CACNB4: variants seen among roughly 807,000 people sequenced by gnomAD.
CACNB4 encodes calcium voltage-gated channel auxiliary subunit beta 4.
In CACNB4, 32 loss-of-function variants were observed where a neutral mutation model predicts 71.2. The ratio of observed to expected loss-of-function variants is 0.45; its 90% CI spans 0.34 to 0.60. The LOEUF (loss-of-function observed/expected upper bound fraction) is 0.60. Ranked by LOEUF, CACNB4 falls within the 20% of genes least tolerant of loss-of-function variation. The pLI is 0.01. For synonymous variants in CACNB4, 231 were observed against 236.9 expected, an observed-to-expected ratio of 0.97 and a Z score of 0.23; for missense variants, 464 against 647.9, an observed-to-expected ratio of 0.72 and a Z score of 3.08.
chr2:151,990,491 C>T (rs1036987444), intron 2 of CACNB4, among the ~76,000 whole-genome samples: 4 of 152,166 alleles, frequency 2.6e-5, no homozygotes, highest in Admixed American at 6.5e-5. Flanking sequence ...TCCCACGGTT[C>T]GCCCTCCTCA....
chr2:151,860,890 C>T, intron 9 of CACNB4, 70 bp from the exon 10 acceptor site: 1 of 985,042 alleles, frequency 1.0e-6, no homozygotes, highest in Non-Finnish European at 1.6e-6. Context: ...GATTTATAAC[C>T]ACAGTACTTA....
At position 151,974,570 on chromosome 2, in the gene CACNB4, G is replaced by C. The variant is rs79699002; in HGVS notation, c.148-91200C>G. Among the ~76,000 whole-genome samples, 862 of 152,308 alleles carry C rather than the reference G, an allele frequency of 5.7e-3. 7 individuals are homozygous for C. Among genetic ancestry groups the C allele is most frequent in the African/African-American group, 0.02 (818 of 41,552 alleles). Reference sequence around the variant, plus strand: ...GATGTGAAATGTTTAATGCTCTTTAGTTGAATGTTTTTAAATCAACTTTAA... The same window carrying C: ...GATGTGAAATGTTTAATGCTCTTTACTTGAATGTTTTTAAATCAACTTTAA... On this transcript the variant is annotated intron_variant, in intron 2 of 13. Coordinates refer to ENST00000539935, the MANE Select transcript of CACNB4 (RefSeq NM_000726.5).
chr2:151,962,731 C>T (rs375094166), intron 2 of CACNB4: 80 of 152,348 alleles, frequency 5.3e-4, no homozygotes, highest in African/African-American at 1.9e-3. Context: ...GGTGTATTAT[C>T]ATTCTAATCC....
chr2:151,996,458 C>T (rs1001866526), intron 2 of CACNB4, among the ~76,000 whole-genome samples: 4 of 139,416 alleles, frequency 2.9e-5, no homozygotes, highest in African/African-American at 1.1e-4. Context: ...GCCTGGGCAA[C>T]AGAGCAAGAC....
chr2:151,933,749 C>T (rs1416982728), intron 2 of CACNB4, among the ~76,000 whole-genome samples: 1 of 152,122 alleles, frequency 6.6e-6, no homozygotes, highest in Admixed American at 6.5e-5. Flanking sequence ...TATCAAACTC[C>T]ATATATTTTG....
At chr2:152,096,249 T>C (rs1688260213) in intron 2 of CACNB4, among the ~76,000 whole-genome samples, 1 of 151,844 alleles carries the variant, frequency 6.6e-6, no homozygotes, top group Non-Finnish European at 1.5e-5. Flanking sequence ...TTTGGGAGGA[T>C]GAGGTGGGCA....
chr2:151,940,056 A>G (rs1048835708), intron 2 of CACNB4, among the ~76,000 whole-genome samples: 8 of 152,214 alleles, frequency 5.3e-5, no homozygotes, highest in Non-Finnish European at 8.8e-5. Context: ...AAATTTGCCC[A>G]AATAATGATT....
intron 2 of CACNB4, among the ~76,000 whole-genome samples, chr2:151,916,050 C>T (rs2099857438): frequency 1.5e-5 from 2 of 129,120 alleles, no homozygotes; most frequent in Admixed American, 7.9e-5. Flanking sequence ...CACTGTTCTT[C>T]CTTCTCTCCG....
Position 152,069,574 on chromosome 2 carries a change from AGCT to A in CACNB4, c.147+28753_147+28755del, listed in dbSNP as rs563337275. 2.7e-3 allele frequency among the ~76,000 whole-genome samples: 398 copies of A among 148,094 alleles called. 3 individuals are homozygous for A. The highest frequency in any genetic ancestry group is 9.5e-3 in the African/African-American group (382 of 40,086). The stretch of plus-strand genomic sequence containing the variant: ...ATACCCTCCACACTGGGTCTTTTAT[AGCT>A]CAGCCTGATCAGCTGACAGCAAAGT... On this transcript the variant is annotated intron_variant, in intron 2 of 13. Coordinates refer to ENST00000539935, the MANE Select transcript of CACNB4 (RefSeq NM_000726.5).
chr2:152,003,443 C>CT (rs1471937991), intron 2 of CACNB4, among the ~76,000 whole-genome samples: 1 of 147,982 alleles, frequency 6.8e-6, no homozygotes, highest in African/African-American at 2.5e-5. Context: ...AAGATTCCAT[C>CT]TAAAAAAAAA....
At chr2:151,873,882 G>A (rs544943330) in intron 5 of CACNB4, 1 of 152,344 alleles carries the variant, frequency 6.6e-6, no homozygotes, top group Non-Finnish European at 1.5e-5. Flanking sequence ...ACTGGTGAGA[G>A]GTGACTGGAC....
intron 2 of CACNB4, among the ~76,000 whole-genome samples, chr2:151,981,970 A>G (rs2099874795): frequency 6.6e-6 from 1 of 152,170 alleles, no homozygotes; most frequent in South Asian, 2.1e-4. Context: ...CTTTTAAAGT[A>G]CTGCTAAACA....
intron 2 of CACNB4, among the ~76,000 whole-genome samples, chr2:152,086,905 C>T (rs966307682): frequency 6.6e-6 from 1 of 151,814 alleles, no homozygotes; most frequent in Non-Finnish European, 1.5e-5. Context: ...CTGAGGTGGG[C>T]GGATCACCTG....
intron 2 of CACNB4, among the ~76,000 whole-genome samples, chr2:151,919,827 G>A (rs1202734845): frequency 6.6e-6 from 1 of 152,128 alleles, no homozygotes; most frequent in Non-Finnish European, 1.5e-5. Flanking sequence ...TGACTTAAGT[G>A]CAAGTTTGGA....
At chr2:151,937,002 C>T (rs1436594387) in intron 2 of CACNB4, among the ~76,000 whole-genome samples, 1 of 152,202 alleles carries the variant, frequency 6.6e-6, no homozygotes, top group Non-Finnish European at 1.5e-5. Context: ...ATGCGTCTCA[C>T]TGAATAAGTT....
In CACNB4 at chr2:151,860,721, C is replaced by G. The variant is rs775270295; in HGVS notation, c.858G>C (p.Arg286=). Residue 286 remains arginine (R), a synonymous_variant, in exon 10 of 14, where the codon CGG becomes CGC. Transcript: ENST00000539935. The part of the protein sequence containing the change: ...KRAIIERSNT[R]SSLAEVQSEI... Reference sequence around the variant, plus strand: ...ATTTGAACATCTTACCTAAGCTGGACCGGGTGTTCGAACGTTCAATTATTG... The same window carrying G: ...ATTTGAACATCTTACCTAAGCTGGAGCGGGTGTTCGAACGTTCAATTATTG... 1.9e-6 allele frequency: 3 copies of G among 1,609,650 alleles called. No individual in the cohort carries two copies. Among genetic ancestry groups the G allele is most frequent in the South Asian group, 2.2e-5 (2 of 90,996 alleles).
intron 2 of CACNB4, among the ~76,000 whole-genome samples, chr2:152,026,909 TTTC>T (rs1286555708): frequency 1.9e-5 from 1 of 51,700 alleles, no homozygotes; most frequent in Non-Finnish European, 5.9e-5. Context: ...CACAATTATC[TTTC>T]TTTTTTTTTT....
chr2:151,866,510 C>G (rs1239268507), intron 9 of CACNB4: 1 of 152,088 alleles, frequency 6.6e-6, no homozygotes, highest in Non-Finnish European at 1.5e-5. Context: ...GTTTTTTTCT[C>G]TCCTTGTATC....
intron 5 of CACNB4, among the ~76,000 whole-genome samples, chr2:151,875,470 G>T (rs1451577790): frequency 1.3e-5 from 2 of 151,906 alleles, no homozygotes; most frequent in South Asian, 4.2e-4. Flanking sequence ...CCACAAAACC[G>T]CCATCGTCAT....
Sources: allele counts gnomAD v4.1 joint callset (sites outside exome capture counted in the v4.1 genomes callset), GRCh38; gene constraint gnomAD v4.1.1; transcripts MANE v1.5; gene names NCBI Gene and HGNC (gene_info 2026-07-23, HGNC 2026-07-21).